HACD3: variants seen among roughly 807,000 people sequenced by gnomAD.
HACD3 encodes the protein 3-hydroxyacyl-CoA dehydratase 3.
In HACD3, 30 loss-of-function variants were observed where a neutral mutation model predicts 55.2. That is an observed-to-expected ratio of 0.54 (90% CI 0.41 to 0.74). The LOEUF is 0.74. Ranked by LOEUF, HACD3 falls within the 30% of genes least tolerant of loss-of-function variation. The pLI is 0.00. For synonymous variants in HACD3, 141 were observed against 151.7 expected (o/e 0.93, Z 0.52); for missense variants, 363 against 440.1 (o/e 0.82, Z 1.57).
intron 1 of HACD3, among the ~76,000 whole-genome samples, chr15:65,542,227 C>CAAAAAAAA (rs527287203): frequency 1.1e-4 from 7 of 63,184 alleles, no homozygotes; most frequent in African/African-American, 3.7e-4. Flanking sequence ...GACTCCATCT[C>CAAAAAAAA]AAAAAAAAAA....
chr15:65,561,821 C>T (rs1011084515), intron 5 of HACD3, among the ~76,000 whole-genome samples: 9 of 152,174 alleles, frequency 5.9e-5, no homozygotes, highest in Non-Finnish European at 1.0e-4. Flanking sequence ...CAGCCTGTCC[C>T]GAGTCTGAAC....
intron 10 of HACD3, among the ~76,000 whole-genome samples, chr15:65,575,701 T>C (rs79462183): frequency 0.063 from 9,525 of 152,260 alleles, 310 homozygotes; most frequent in African/African-American, 0.09. Context: ...GGATGTGATA[T>C]AGCCAATATA....
chr15:65,555,690 C>A (rs767618094), intron 3 of HACD3, among the ~76,000 whole-genome samples: 2 of 152,160 alleles, frequency 1.3e-5, no homozygotes, highest in Non-Finnish European at 2.9e-5. Context: ...TGTAGACAAA[C>A]AATGAGCTGG....
chr15:65,554,668 G>A lies in HACD3; in HGVS notation c.131-219G>A, dbSNP rs540853668. ...CGGGAGCCTGTAGTCCCAGCTACTC[G>A]GGAGGCTGAGGCAGGAGAATGGCAT... On this transcript the variant is annotated intron_variant, in intron 2 of 10. Transcript: ENST00000261875. Among the ~76,000 whole-genome samples the A allele has an allele frequency of 2.4e-3, 370 of 151,956 alleles. 4 individuals are homozygous for A. The highest frequency in any genetic ancestry group is 8.4e-3 in the African/African-American group (346 of 41,300).
chr15:65,570,417 A>T (rs1427497579), intron 8 of HACD3, among the ~76,000 whole-genome samples: 3 of 152,172 alleles, frequency 2.0e-5, no homozygotes, highest in African/African-American at 7.2e-5. Flanking sequence ...GATACTAGGG[A>T]GCAGAAGAGG....
intron 6 of HACD3, 114 bp from the exon 7 acceptor site, chr15:65,564,101 T>G: frequency 2.3e-6 from 3 of 1,286,312 alleles, no homozygotes; most frequent in Non-Finnish European, 3.3e-6. Context: ...TCTGACTGGA[T>G]GTTTGTTATT....
At chr15:65,545,944 C>T (rs1034774738) in intron 1 of HACD3, among the ~76,000 whole-genome samples, 3 of 152,224 alleles carry the variant, frequency 2.0e-5, no homozygotes, top group African/African-American at 7.2e-5. Flanking sequence ...TGCCAGCTTC[C>T]GCTTCTTCTC....
chr15:65,544,354 G>A (rs1244080473), intron 1 of HACD3, among the ~76,000 whole-genome samples: 2 of 152,094 alleles, frequency 1.3e-5, no homozygotes, highest in Non-Finnish European at 2.9e-5. Context: ...GATCAAATTG[G>A]ATAGAACTTA....
At chr15:65,536,300 CA>C (rs1241173139) in intron 1 of HACD3, among the ~76,000 whole-genome samples, 1 of 152,118 alleles carries the variant, frequency 6.6e-6, no homozygotes, top group Admixed American at 6.5e-5. Context: ...GCCCAGCCAC[CA>C]TTGTGATTGT....
intron 5 of HACD3, among the ~76,000 whole-genome samples, chr15:65,561,219 C>T (rs914294731): frequency 6.6e-6 from 1 of 152,146 alleles, no homozygotes; most frequent in Non-Finnish European, 1.5e-5. Context: ...GTAATCCCAG[C>T]ACTTTGGGAG....
intron 6 of HACD3, 51 bp from the exon 7 acceptor site, chr15:65,564,164 C>G: frequency 1.3e-6 from 2 of 1,575,304 alleles, no homozygotes; most frequent in Non-Finnish European, 1.7e-6. Context: ...AGAAATAGTT[C>G]TGTTGGAATT....
chr15:65,574,844 C>A (rs558218639), intron 10 of HACD3, among the ~76,000 whole-genome samples: 2 of 152,288 alleles, frequency 1.3e-5, no homozygotes, highest in African/African-American at 4.8e-5. Flanking sequence ...TTAAAGACAG[C>A]TTTTTACCTT....
At chr15:65,534,964 A>G (rs998540931) in intron 1 of HACD3, among the ~76,000 whole-genome samples, 3 of 152,238 alleles carry the variant, frequency 2.0e-5, no homozygotes, top group Non-Finnish European at 4.4e-5. Context: ...AGACCTATTC[A>G]TATATGAAAA....
intron 10 of HACD3, among the ~76,000 whole-genome samples, chr15:65,574,914 A>C (rs1439300975): frequency 1.3e-5 from 2 of 152,206 alleles, no homozygotes; most frequent in Non-Finnish European, 2.9e-5. Flanking sequence ...ATAAAGAGGA[A>C]TAAATATTGG....
intron 1 of HACD3, among the ~76,000 whole-genome samples, chr15:65,537,958 AATATATATAT>A (rs755882094): frequency 0.018 from 196 of 11,016 alleles, 1 homozygote; most frequent in African/African-American, 0.029. Flanking sequence ...AAAAAAAAAA[AATATATATAT>A]ATATATATAT....
At chr15:65,556,143 G>T (rs924025970) in intron 3 of HACD3, among the ~76,000 whole-genome samples, 2 of 152,188 alleles carry the variant, frequency 1.3e-5, no homozygotes, top group African/African-American at 4.8e-5. Flanking sequence ...GTGGAATGGG[G>T]ATGGTTTCAG....
At position 65,556,910 on chromosome 15, in the gene HACD3, A is replaced by G. The variant is rs749635993; in HGVS notation, c.369+7A>G. 2 of 1,608,774 alleles carry G rather than the reference A, an allele frequency of 1.2e-6. No homozygotes were observed. Among genetic ancestry groups the G allele is most frequent in the Non-Finnish European group, 1.7e-6 (2 of 1,177,238 alleles). On this transcript the variant is annotated splice_region_variant and intron_variant, in intron 4 of 10. Transcript: ENST00000261875. Reference sequence around the variant, plus strand: ...AATGGAGCTCAGAGCTAAGGTTAGTAAGGATCCTAGGATCTAGCCATTGAG... The same window carrying G: ...AATGGAGCTCAGAGCTAAGGTTAGTGAGGATCCTAGGATCTAGCCATTGAG...
At chr15:65,555,316 CAG>C (rs1314796188) in intron 3 of HACD3, among the ~76,000 whole-genome samples, 1 of 152,186 alleles carries the variant, frequency 6.6e-6, no homozygotes, top group Non-Finnish European at 1.5e-5. Flanking sequence ...CCATTGAGAA[CAG>C]AGTTACATAG....
At chr15:65,541,369 A>G (rs530707494) in intron 1 of HACD3, among the ~76,000 whole-genome samples, 4 of 151,206 alleles carry the variant, frequency 2.6e-5, no homozygotes, top group South Asian at 4.1e-4. Flanking sequence ...CTGAGAGTTT[A>G]TTTAAACTGT....
Sources: gnomAD v4.1 joint callset for allele counts (sites outside exome capture counted in the v4.1 genomes callset) on GRCh38, gnomAD v4.1.1 for gene constraint, MANE v1.5 for transcripts, NCBI Gene and HGNC (gene_info 2026-07-23, HGNC 2026-07-21) for gene names.